DSG3: variants seen among roughly 807,000 people sequenced by gnomAD.
DSG3 encodes desmoglein-3.
In DSG3, 63 loss-of-function variants were observed where a neutral mutation model predicts 85.9. That is an observed-to-expected ratio of 0.73 (90% CI 0.60 to 0.90). DSG3 has a LOEUF of 0.90. DSG3 is among the 40% of genes least tolerant of loss of function. The probability of loss-of-function intolerance (pLI) is 0.00; values close to 1 mark genes in which losing one functional copy is unlikely to be tolerated. For synonymous variants in DSG3, 447 were observed against 441.9 expected (o/e 1.01, Z -0.14); for missense variants, 1,220 against 1,219.9 (o/e 1.00, Z 0.00).
intron 1 of DSG3, among the ~76,000 whole-genome samples, chr18:31,453,341 A>G (rs2072722408): frequency 1.3e-5 from 2 of 152,198 alleles, no homozygotes; most frequent in Middle Eastern, 3.2e-3. Context: ...AGCTACCTGC[A>G]TCTAATCCAT....
rs577174826 is a variant in DSG3, at chr18:31,455,584, T to G, written c.49-856T>G. ...AAAAAGAGACATCAGTAAAGACAAT[T>G]TCATGGAGGTTGTTGGAACTTGATG... On this transcript the variant is annotated intron_variant, in intron 1 of 15. Transcript: ENST00000257189. 2.4e-4 allele frequency among the ~76,000 whole-genome samples: 36 copies of G among 152,240 alleles called. 1 individual carries two copies. In the South Asian group the frequency reaches 7.1e-3, roughly 30 times the overall value.
chr18:31,459,887 C>G lies in DSG3; in HGVS notation c.560C>G (p.Pro187Arg). Residue 187 changes from proline to arginine, a missense_variant, in exon 6 of 16, where the codon CCA becomes CGA. Physicochemically the swap from Pro to Arg is moderately radical, Grantham distance 103 (BLOSUM62 -2). Transcript: ENST00000257189. ...MILNATDADE[P>R]NHLNSKIAFK... The stretch of plus-strand genomic sequence containing the variant: ...CTAAATGCCACAGATGCAGATGAAC[C>G]AAACCACTTGAATTCTAAAATTGCC... The G allele has an allele frequency of 6.2e-7, 1 of 1,613,974 alleles. No homozygotes were observed. The highest frequency in any genetic ancestry group is 8.5e-7 in the Non-Finnish European group (1 of 1,179,956).
At chr18:31,449,590 T>C (rs1354096001) in intron 1 of DSG3, among the ~76,000 whole-genome samples, 1 of 152,214 alleles carries the variant, frequency 6.6e-6, no homozygotes, top group African/African-American at 2.4e-5. Flanking sequence ...TTATTATATC[T>C]GTCTTAGAGT....
chr18:31,477,436 C>CT lies in DSG3; in HGVS notation c.*1182dup, dbSNP rs2072895930. ...ATTTTGTAGGAATACAAAACATGGC[C>CT]TTTTTTATAAGCAAAACGGGCCAAT... On this transcript the variant is annotated 3_prime_UTR_variant, in exon 16 of 16. Transcript: ENST00000257189. 6.6e-6 allele frequency: 1 copy of CT among 152,050 alleles called. No homozygotes were observed. Among genetic ancestry groups the CT allele is most frequent in the African/African-American group, 2.4e-5 (1 of 41,398 alleles). 9.4% of individuals were successfully genotyped at this position (152,050 alleles called of 1,614,324 possible). A position where few individuals can be genotyped will look rare whatever the true frequency, so the allele number is the denominator to read the frequency against.
In DSG3 at chr18:31,475,775, G is replaced by A. The variant is rs1480312026; in HGVS notation, c.2515G>A (p.Asp839Asn). Residue 839 changes from aspartate (D) to asparagine (N), a missense_variant, in exon 16 of 16, where the codon GAT becomes AAT. Physicochemically the swap from Asp to Asn is conservative, Grantham distance 23. Transcript: ENST00000257189. ...CGTGGGTTGTTGCAGTTTTATTGCTGATGACCTGGATGACAGCTTCTTGGA... is the reference window on the plus strand; with the variant it reads ...CGTGGGTTGTTGCAGTTTTATTGCTAATGACCTGGATGACAGCTTCTTGGA... ...GSVGCCSFIA[D>N]DLDDSFLDSL... 2 of 1,614,170 alleles carry A rather than the reference G, an allele frequency of 1.2e-6. No individual in the cohort carries two copies.
intron 11 of DSG3, 69 bp from the exon 12 acceptor site, chr18:31,469,020 A>T: frequency 1.7e-5 from 27 of 1,574,146 alleles, no homozygotes; most frequent in Non-Finnish European, 2.3e-5. Context: ...ATATTCTGTT[A>T]TAGCAACACA....
chr18:31,472,044 C>A (rs1217755715), intron 12 of DSG3, among the ~76,000 whole-genome samples: 2 of 152,038 alleles, frequency 1.3e-5, no homozygotes, highest in Non-Finnish European at 2.9e-5. Flanking sequence ...AGAAAATATA[C>A]CAAAAAAATA....
At chr18:31,466,462 A>T in intron 10 of DSG3, 68 bp from the exon 11 acceptor site, 1 of 1,395,390 alleles carries the variant, frequency 7.2e-7, no homozygotes, top group East Asian at 2.3e-5. Flanking sequence ...GAGAAATGTA[A>T]AAGATTCTCC....
Position 31,476,377 on chromosome 18 carries a change from T to C in DSG3, c.*117T>C, listed in dbSNP as rs2072888443. On this transcript the variant is annotated 3_prime_UTR_variant, in exon 16 of 16. Transcript: ENST00000257189. ...ATAATTTGGCACTTATTAGCTTCTC[T>C]CATAAACTGATCACGATTATAAATT... 8.3e-7 allele frequency: 1 copy of C among 1,203,648 alleles called. No individual in the cohort carries two copies. The highest frequency in any genetic ancestry group is 1.2e-6 in the Non-Finnish European group (1 of 869,292). 74.6% of individuals were successfully genotyped at this position (1,203,648 alleles called of 1,614,324 possible).
chr18:31,451,986 T>G (rs1344034182), intron 1 of DSG3, among the ~76,000 whole-genome samples: 2 of 152,202 alleles, frequency 1.3e-5, no homozygotes, highest in Non-Finnish European at 2.9e-5. Flanking sequence ...AATAATTGAA[T>G]CTGTCTAATA....
At chr18:31,452,007 T>G (rs1344892262) in intron 1 of DSG3, among the ~76,000 whole-genome samples, 1 of 152,198 alleles carries the variant, frequency 6.6e-6, no homozygotes, top group Non-Finnish European at 1.5e-5. Context: ...TACACCTTTT[T>G]CTTGGAGAGC....
At chr18:31,455,001 A>G (rs1260096031) in intron 1 of DSG3, among the ~76,000 whole-genome samples, 1 of 150,148 alleles carries the variant, frequency 6.7e-6, no homozygotes, top group African/African-American at 2.5e-5. Flanking sequence ...AGCCAGGGCA[A>G]AAAGAGCGAA....
In DSG3 at chr18:31,465,414, C is replaced by T; in HGVS notation, c.1368C>T (p.Phe456=). 6.5e-7 allele frequency: 1 copy of T among 1,538,604 alleles called. No individual in the cohort carries two copies. Among genetic ancestry groups the T allele is most frequent in the East Asian group, 2.4e-5 (1 of 41,828 alleles). ...AAAATATGAACCGAGATTCTACTTT[C>T]ATAGTTAACAAAACAATCACAGCTG... The part of the protein sequence containing the change: ...FVKNMNRDST[F]IVNKTITAEV... The change falls in exon 10 of 16, where the codon TTC becomes TTT. Residue 456 remains phenylalanine (F), a synonymous_variant. Coordinates refer to ENST00000257189, the MANE Select transcript of DSG3 (RefSeq NM_001944.3).
In DSG3 at chr18:31,470,164, T is replaced by C. The variant is rs188601172; in HGVS notation, c.1897+815T>C. ...TTAAAAGAACTTCCTGACTAATTCT[T>C]GTATAAACAAGAGAAATCCTTGCTA... On this transcript the variant is annotated intron_variant, in intron 12 of 15. Coordinates refer to ENST00000257189, the MANE Select transcript of DSG3 (RefSeq NM_001944.3). Among the ~76,000 whole-genome samples the C allele has an allele frequency of 8.0e-4, 122 of 152,222 alleles. 1 individual carries two copies. Among genetic ancestry groups the C allele is most frequent in the Non-Finnish European group, 1.4e-3 (92 of 67,982 alleles).
chr18:31,466,680 C>T lies in DSG3; in HGVS notation c.1562C>T (p.Thr521Ile). The change falls in exon 11 of 16, where the codon ACT becomes ATT. Residue 521 changes from threonine (T) to isoleucine (I), a missense_variant. Coordinates refer to ENST00000257189, the MANE Select transcript of DSG3 (RefSeq NM_001944.3). ...GCTAGAACACTGAATAATAGATACA[C>T]TGGCCCCTATACATTTGCACTGGAA... ...VSARTLNNRYTGPYTFALEDQ... is the reference protein window; with the variant it reads ...VSARTLNNRYIGPYTFALEDQ... The T allele has an allele frequency of 6.2e-7, 1 of 1,614,236 alleles. No individual in the cohort carries two copies. Among genetic ancestry groups the T allele is most frequent in the South Asian group, 1.1e-5 (1 of 91,088 alleles).
intron 11 of DSG3, among the ~76,000 whole-genome samples, chr18:31,467,849 G>A (rs932908726): frequency 7.9e-5 from 12 of 152,146 alleles, no homozygotes; most frequent in African/African-American, 2.7e-4. Context: ...TGATCTTCAT[G>A]GTCATCTTTC....
chr18:31,460,806 TTTTC>T (rs756884161), intron 6 of DSG3, 23 bp from the exon 7 acceptor site: 1 of 1,551,194 alleles, frequency 6.4e-7, no homozygotes, highest in Non-Finnish European at 8.7e-7. Flanking sequence ...GATTAATTAT[TTTTC>T]TTTATTTTTT....
intron 8 of DSG3, among the ~76,000 whole-genome samples, chr18:31,462,246 A>G (rs1449658942): frequency 6.6e-6 from 1 of 151,898 alleles, no homozygotes; most frequent in Non-Finnish European, 1.5e-5. Context: ...TAATTTTTAT[A>G]GTTTTAGTAG....
At chr18:31,452,884 C>T (rs11081700) in intron 1 of DSG3, among the ~76,000 whole-genome samples, 3,621 of 152,094 alleles carry the variant, frequency 0.024, 138 homozygotes, top group African/African-American at 0.083. Flanking sequence ...TTAAGAATAT[C>T]CAGGGATATT....
Sources: allele counts gnomAD v4.1 joint callset (sites outside exome capture counted in the v4.1 genomes callset), GRCh38; gene constraint gnomAD v4.1.1; transcripts MANE v1.5; gene names NCBI Gene and HGNC (gene_info 2026-07-23, HGNC 2026-07-21).